Variants in GRHL2 observed in about 807,000 individuals in gnomAD.
The protein encoded by GRHL2 is grainyhead-like protein 2 homolog.
Under a neutral mutation model 83.8 loss-of-function variants are expected in GRHL2, and 21 were observed. The observed-to-expected ratio is 0.25, with a 90% CI of 0.18 to 0.36. The LOEUF (loss-of-function observed/expected upper bound fraction) is 0.36. Ranked by LOEUF, GRHL2 falls within the 10% of genes least tolerant of loss-of-function variation. The probability of loss-of-function intolerance (pLI) is 1.00; values close to 1 mark genes in which losing one functional copy is unlikely to be tolerated. For synonymous variants in GRHL2, 280 were observed against 278.9 expected, an observed-to-expected ratio of 1.00 and a Z score of -0.04; for missense variants, 623 against 781.8, an observed-to-expected ratio of 0.80 and a Z score of 2.42.
chr8:101,677,964 G>A, the GRHL2 span, among the ~76,000 whole-genome samples: 17,668 of 152,122 alleles, frequency 0.12, 1,123 homozygotes, highest in South Asian at 0.2. Flanking sequence ...ATATTCTACT[G>A]ACTTACAAAA....
intron 1 of GRHL2, among the ~76,000 whole-genome samples, chr8:101,521,760 A>C (rs1192009059): frequency 6.6e-6 from 1 of 152,214 alleles, no homozygotes; most frequent in African/African-American, 2.4e-5. Flanking sequence ...TTATATACCT[A>C]GGGATTAGGG....
intron 1 of GRHL2, among the ~76,000 whole-genome samples, chr8:101,518,756 A>G (rs778643227): frequency 6.6e-6 from 1 of 152,202 alleles, no homozygotes; most frequent in South Asian, 2.1e-4. Context: ...AAGACCCCCA[A>G]GTTCTTTCCA....
chr8:101,493,344 C>T (rs1395528277), intron 1 of GRHL2, among the ~76,000 whole-genome samples: 1 of 152,082 alleles, frequency 6.6e-6, no homozygotes, highest in Non-Finnish European at 1.5e-5. Flanking sequence ...CGTGTGGCCC[C>T]GATGGGAGGC....
chr8:101,621,423 G>C (rs562395900), intron 9 of GRHL2, among the ~76,000 whole-genome samples: 201 of 152,112 alleles, frequency 1.3e-3, no homozygotes, highest in African/African-American at 4.7e-3. Flanking sequence ...TGGAACTCAA[G>C]GAATTTAGAA....
intron 8 of GRHL2, among the ~76,000 whole-genome samples, chr8:101,608,729 A>ACTCTCT (rs199589210): frequency 3.3e-5 from 2 of 60,026 alleles, no homozygotes; most frequent in Admixed American, 2.1e-4. Context: ...GTCTCTGCTC[A>ACTCTCT]CTCTCTCACA....
At chr8:101,678,216 G>A in the GRHL2 span, among the ~76,000 whole-genome samples, 1 of 152,180 alleles carries the variant, frequency 6.6e-6, no homozygotes, top group South Asian at 2.1e-4. Flanking sequence ...GCGCAGGTCA[G>A]TGGGTGCGCG....
intron 4 of GRHL2, among the ~76,000 whole-genome samples, chr8:101,563,568 T>C (rs1811651754): frequency 6.6e-6 from 1 of 152,178 alleles, no homozygotes; most frequent in Non-Finnish European, 1.5e-5. Flanking sequence ...ATAAATTCCT[T>C]GTCCTTAAGA....
chr8:101,555,136 G>A (rs1205289899), intron 3 of GRHL2, among the ~76,000 whole-genome samples: 2 of 152,206 alleles, frequency 1.3e-5, no homozygotes, highest in African/African-American at 2.4e-5. Context: ...TGCCCCAAAT[G>A]GACTCTAACT....
At chr8:101,652,540 T>TG (rs1586173609) in intron 14 of GRHL2, among the ~76,000 whole-genome samples, 5 of 104,086 alleles carry the variant, frequency 4.8e-5, no homozygotes, top group South Asian at 6.8e-4. Flanking sequence ...GTGGTGTGTG[T>TG]GTGTGTGGTG....
At chr8:101,585,149 A>G (rs927088389) in intron 7 of GRHL2, among the ~76,000 whole-genome samples, 1 of 152,242 alleles carries the variant, frequency 6.6e-6, no homozygotes, top group Non-Finnish European at 1.5e-5. Context: ...CAAGAGCACC[A>G]GCAACTCCCC....
At chr8:101,557,215 T>C (rs945009490) in intron 3 of GRHL2, among the ~76,000 whole-genome samples, 1 of 142,950 alleles carries the variant, frequency 7.0e-6, no homozygotes, top group Non-Finnish European at 1.5e-5. Flanking sequence ...CCTAACTGAA[T>C]TAACAATACT....
chr8:101,593,790 G>T (rs1371501118), intron 7 of GRHL2, among the ~76,000 whole-genome samples: 2 of 152,112 alleles, frequency 1.3e-5, no homozygotes, highest in Non-Finnish European at 2.9e-5. Flanking sequence ...AACAGGCTGG[G>T]CATGGTGGCT....
At chr8:101,644,085 G>T (rs762670488) in intron 12 of GRHL2, 46 bp from the exon 13 acceptor site, 1 of 1,531,464 alleles carries the variant, frequency 6.5e-7, no homozygotes. Context: ...CGTGTGTTTT[G>T]ACACCTTGCT....
At position 101,668,718 on chromosome 8, in the gene GRHL2, A is replaced by C. The variant is rs1333347254; in HGVS notation, c.*2015A>C. 6.6e-6 allele frequency: 1 copy of C among 152,260 alleles called. No individual in the cohort carries two copies. Among genetic ancestry groups the C allele is most frequent in the Non-Finnish European group, 1.5e-5 (1 of 68,092 alleles). The allele number at this position is 152,260 out of a possible 1,614,324, so 9.4% of individuals were successfully genotyped here. On this transcript the variant is annotated 3_prime_UTR_variant, in exon 16 of 16. Coordinates refer to ENST00000646743, the MANE Select transcript of GRHL2 (RefSeq NM_024915.4). ...GTTGGAAATACATGTTGTACTATGC[A>C]CTTCCCATGCTCCTAGGGTTAGGAA...
At chr8:101,563,722 T>TG (rs1811656357) in intron 4 of GRHL2, among the ~76,000 whole-genome samples, 1 of 152,048 alleles carries the variant, frequency 6.6e-6, no homozygotes, top group African/African-American at 2.4e-5. Context: ...TTTTTTTTGT[T>TG]TTTTTTTGTT....
chr8:101,675,466 CAG>C, the GRHL2 span, among the ~76,000 whole-genome samples: 2 of 151,890 alleles, frequency 1.3e-5, no homozygotes, highest in African/African-American at 4.8e-5. Context: ...ACAACTGCTT[CAG>C]AGAGAATAAA....
intron 4 of GRHL2, among the ~76,000 whole-genome samples, chr8:101,559,065 T>C (rs1015044443): frequency 6.6e-6 from 1 of 152,170 alleles, no homozygotes; most frequent in African/African-American, 2.4e-5. Flanking sequence ...TTTGTTTTCA[T>C]TTTAGTCTTA....
intron 2 of GRHL2, chr8:101,543,807 C>A: frequency 3.5e-6 from 1 of 284,886 alleles, no homozygotes; most frequent in Non-Finnish European, 6.8e-6. Context: ...AGTCCATTTT[C>A]ACACTGCTGA....
chr8:101,539,398 C>T (rs1358948612), intron 1 of GRHL2, among the ~76,000 whole-genome samples: 1 of 152,146 alleles, frequency 6.6e-6, no homozygotes, highest in Non-Finnish European at 1.5e-5. Flanking sequence ...GGTTCCAAAT[C>T]CTCTGTTTTA....
Sources: gnomAD v4.1 joint callset for allele counts (sites outside exome capture counted in the v4.1 genomes callset) on GRCh38, gnomAD v4.1.1 for gene constraint, MANE v1.5 for transcripts, NCBI Gene and HGNC (gene_info 2026-07-23, HGNC 2026-07-21) for gene names.